SLFN12L: variants seen among roughly 807,000 people sequenced by gnomAD.
SLFN12L encodes the protein schlafen family member 12 like.
A neutral mutation model predicts 34.8 loss-of-function variants in SLFN12L; 34 were observed. The observed-to-expected ratio is 0.98, with a 90% confidence interval of 0.74 to 1.30. SLFN12L has a LOEUF of 1.30. SLFN12L is among the 50% of genes most tolerant of loss of function. The pLI, the probability that SLFN12L is intolerant of heterozygous loss-of-function variation, is 0.00. For missense variants in SLFN12L, 703 were observed against 696.2 expected (o/e 1.01, Z -0.11); for synonymous variants, 259 against 247.5 (o/e 1.05, Z -0.44).
intron 2 of SLFN12L, among the ~76,000 whole-genome samples, chr17:35,520,472 C>T (rs1250399314): frequency 2.0e-5 from 3 of 152,198 alleles, no homozygotes; most frequent in African/African-American, 7.2e-5. Context: ...TGGCTGGGCA[C>T]GATGGCTCAT....
intron 1 of SLFN12L, among the ~76,000 whole-genome samples, chr17:35,524,282 C>A (rs1053338397): frequency 3.3e-5 from 5 of 152,146 alleles, no homozygotes; most frequent in Non-Finnish European, 7.4e-5. Context: ...GGGGAAGGGG[C>A]GGCTGTGGGT....
chr17:35,535,232 C>T (rs1467174991), intron 1 of SLFN12L, among the ~76,000 whole-genome samples: 2 of 150,246 alleles, frequency 1.3e-5, no homozygotes, highest in African/African-American at 2.5e-5. Flanking sequence ...CTCTTGTTGC[C>T]CAGGCTGGAG....
At chr17:35,505,460 T>G (rs959590073) in intron 2 of SLFN12L, among the ~76,000 whole-genome samples, 2 of 152,156 alleles carry the variant, frequency 1.3e-5, no homozygotes, top group Non-Finnish European at 2.9e-5. Flanking sequence ...AAACCTAAAC[T>G]TAAAGGCCCC....
chr17:35,488,939 A>G (rs536667097), intron 2 of SLFN12L, among the ~76,000 whole-genome samples: 11 of 152,104 alleles, frequency 7.2e-5, no homozygotes, highest in Non-Finnish European at 1.5e-4. Context: ...GCGTGGTGGC[A>G]CGCGCCTGTA....
intron 2 of SLFN12L, chr17:35,498,520 G>A: frequency 1.6e-6 from 2 of 1,229,510 alleles, no homozygotes; most frequent in Non-Finnish European, 2.4e-6. Flanking sequence ...CTCTTTGTCT[G>A]CCTCCATCTC....
chr17:35,475,589 C>T, intron 4 of SLFN12L, 104 bp from the exon 5 acceptor site: 4 of 1,437,694 alleles, frequency 2.8e-6, no homozygotes, highest in Non-Finnish European at 1.8e-6. Context: ...CCAAAAGCAA[C>T]TATAAAAGCT....
At chr17:35,481,899 T>C (rs1301751581) in intron 2 of SLFN12L, among the ~76,000 whole-genome samples, 1 of 152,202 alleles carries the variant, frequency 6.6e-6, no homozygotes, top group Admixed American at 6.5e-5. Context: ...TCGCTCTTGT[T>C]GCCCAGGCTG....
In SLFN12L at chr17:35,507,006, C is replaced by A. The variant is rs561679959; in HGVS notation, c.86+15273G>T. On this transcript the variant is annotated intron_variant, in intron 2 of 4. Transcript: ENST00000628453. The stretch of plus-strand genomic sequence containing the variant: ...CTAAGAAAAATCCATTTAGTTAATT[C>A]CCAAAGTTGCAAACTGTGTGGACCC... 5.3e-5 allele frequency among the ~76,000 whole-genome samples: 8 copies of A among 152,320 alleles called. No individual in the cohort carries two copies. The East Asian group carries it at 1.5e-3, about 29-fold the overall frequency.
chr17:35,496,967 G>A (rs1160781528), intron 2 of SLFN12L, among the ~76,000 whole-genome samples: 1 of 152,202 alleles, frequency 6.6e-6, no homozygotes, highest in Non-Finnish European at 1.5e-5. Flanking sequence ...TTTTCCCAGG[G>A]CATCAAAAGC....
rs906780365 is a variant in SLFN12L, at chr17:35,477,010, A to T, written c.1276+1065T>A. Among the ~76,000 whole-genome samples the T allele has an allele frequency of 5.3e-5, 8 of 152,334 alleles. No individual in the cohort carries two copies. The South Asian group carries it at 1.7e-3, about 32-fold the overall frequency. On this transcript the variant is annotated intron_variant, in intron 4 of 4. Coordinates refer to ENST00000628453, the MANE Select transcript of SLFN12L (RefSeq NM_001363830.2). ...TTAAAATAACTGTTACATCTTTTTTAAAACCCCCCAAAAATAAAATAGGTG... is the reference window on the plus strand; with the variant it reads ...TTAAAATAACTGTTACATCTTTTTTTAAACCCCCCAAAAATAAAATAGGTG...
intron 2 of SLFN12L, among the ~76,000 whole-genome samples, chr17:35,520,516 G>T (rs892148138): frequency 1.3e-5 from 2 of 152,172 alleles, no homozygotes; most frequent in South Asian, 4.1e-4. Flanking sequence ...AGGCCAAGAC[G>T]GATGGATCAC....
chr17:35,503,504 C>T (rs1185441190), intron 2 of SLFN12L, among the ~76,000 whole-genome samples: 1 of 152,014 alleles, frequency 6.6e-6, no homozygotes, highest in Non-Finnish European at 1.5e-5. Context: ...TTTAGCTTAT[C>T]TGGTATAAAA....
intron 4 of SLFN12L, among the ~76,000 whole-genome samples, chr17:35,477,014 C>T (rs1219629481): frequency 2.0e-5 from 3 of 152,064 alleles, no homozygotes; most frequent in Admixed American, 1.3e-4. Flanking sequence ...TTTTTTAAAA[C>T]CCCCCAAAAA....
At chr17:35,531,554 C>T (rs1334100121) in intron 1 of SLFN12L, among the ~76,000 whole-genome samples, 7 of 152,034 alleles carry the variant, frequency 4.6e-5, no homozygotes, top group Non-Finnish European at 1.0e-4. Flanking sequence ...GTATAGCATG[C>T]CATTGGTTTC....
At chr17:35,518,848 G>A (rs951541311) in intron 2 of SLFN12L, among the ~76,000 whole-genome samples, 5 of 152,256 alleles carry the variant, frequency 3.3e-5, no homozygotes, top group African/African-American at 1.2e-4. Flanking sequence ...CCATTACTGG[G>A]TATATACCCA....
rs150642516 is a variant in SLFN12L, at chr17:35,471,094, C to T, written c.*3829G>A. On this transcript the variant is annotated 3_prime_UTR_variant, in exon 5 of 5. Coordinates refer to ENST00000628453, the MANE Select transcript of SLFN12L (RefSeq NM_001363830.2). ...CATTTGGGTTGGTTCCATGCCTTTG[C>T]TATTGTAAATAGTGGGGCAATAAAC... 2.6e-3 allele frequency among the ~76,000 whole-genome samples: 394 copies of T among 150,496 alleles called. No individual in the cohort carries two copies. The highest frequency in any genetic ancestry group is 4.3e-3 in the Non-Finnish European group (292 of 67,842).
At chr17:35,487,619 C>T (rs2142137196) in intron 2 of SLFN12L, 1 of 1,212,772 alleles carries the variant, frequency 8.2e-7, no homozygotes, top group South Asian at 1.4e-5. Flanking sequence ...AAGTTAAACG[C>T]CCACGTGAAT....
intron 1 of SLFN12L, among the ~76,000 whole-genome samples, chr17:35,527,149 G>C (rs1367988941): frequency 6.6e-6 from 1 of 152,136 alleles, no homozygotes; most frequent in Non-Finnish European, 1.5e-5. Flanking sequence ...GCCCTCCCAA[G>C]TCTAAACCAG....
chr17:35,492,183 T>A (rs1261033759), intron 2 of SLFN12L, among the ~76,000 whole-genome samples: 2 of 152,202 alleles, frequency 1.3e-5, no homozygotes, highest in Non-Finnish European at 1.5e-5. Context: ...GATCAGAGCA[T>A]CTAAACCTGT....
Sources: gnomAD v4.1 joint callset for allele counts (sites outside exome capture counted in the v4.1 genomes callset) on GRCh38, gnomAD v4.1.1 for gene constraint, MANE v1.5 for transcripts, NCBI Gene and HGNC (gene_info 2026-07-23, HGNC 2026-07-21) for gene names.